Variants in SPATC1 observed in about 807,000 individuals in gnomAD.
SPATC1 encodes the protein speriolin.
SPATC1 carries 35 observed loss-of-function variants against 36.5 expected under a neutral mutation model. The ratio of observed to expected loss-of-function variants is 0.96; its 90% CI spans 0.73 to 1.27. The LOEUF (loss-of-function observed/expected upper bound fraction) is 1.27, where lower values mean the gene tolerates loss of function less well. SPATC1 is among the 50% of genes most tolerant of loss of function. SPATC1 has a pLI of 0.00. For missense variants in SPATC1, 779 were observed against 796.0 expected (o/e 0.98, Z 0.26); for synonymous variants, 361 against 353.6 (o/e 1.02, Z -0.24).
chr8:144,019,401 A>G (rs1834459151), intron 1 of SPATC1, among the ~76,000 whole-genome samples: 1 of 152,234 alleles, frequency 6.6e-6, no homozygotes, highest in African/African-American at 2.4e-5. Context: ...CCAAGACAGA[A>G]GGTACAACTG....
chr8:144,039,967 G>A lies in SPATC1; in HGVS notation c.270G>A (p.Gly90=), dbSNP rs868960211. The A allele has an allele frequency of 6.2e-7, 1 of 1,613,964 alleles. No individual in the cohort carries two copies. Among genetic ancestry groups the A allele is most frequent in the Non-Finnish European group, 8.5e-7 (1 of 1,179,984 alleles). Residue 90 remains glycine, a synonymous_variant, in exon 2 of 5, where the codon GGG becomes GGA. Transcript: ENST00000377470. ...ACGAACGAGTCCTCGAAGAAGTGGG[G>A]ATCATGGCCTTGGCACCCCTGGCCG... The part of the protein sequence containing the change: ...VANERVLEEV[G]IMALAPLAEM...
chr8:144,018,580 T>G (rs1834438589), intron 1 of SPATC1, among the ~76,000 whole-genome samples: 1 of 149,656 alleles, frequency 6.7e-6, no homozygotes, highest in East Asian at 2.0e-4. Context: ...AGGAAGAGAG[T>G]CTCTTCCACT....
At position 144,040,632 on chromosome 8, in the gene SPATC1, AGGAGCAC is replaced by A. The variant is rs1220090463; in HGVS notation, c.832_838del (p.Gly278ProfsTer136). ...CAGAGCCTCTCAGCATGGCGTTTGC[AGGAGCAC>A]CCCTCCAGACCTCCACCCCTATCGG... On this transcript the variant is annotated frameshift_variant, in exon 3 of 5. Transcript: ENST00000377470. LOFTEE classifies it high-confidence loss of function. 1.4e-5 allele frequency: 22 copies of A among 1,610,628 alleles called. No individual in the cohort carries two copies. Among genetic ancestry groups the A allele is most frequent in the Non-Finnish European group, 1.8e-5 (21 of 1,178,964 alleles).
chr8:144,047,070 C>A lies in SPATC1; in HGVS notation c.*114C>A. The A allele has an allele frequency of 7.5e-7, 1 of 1,332,808 alleles. No individual in the cohort carries two copies. Among genetic ancestry groups the A allele is most frequent in the Non-Finnish European group, 1.0e-6 (1 of 990,034 alleles). The allele number at this position is 1,332,808 out of a possible 1,614,324, so 82.6% of individuals were successfully genotyped here. ...GTGCCAGCGCTCCTGGGTGGTGCTG[C>A]CTCCTCTGGGGTGGCTCACCGGGCC... On this transcript the variant is annotated 3_prime_UTR_variant, in exon 5 of 5. Coordinates refer to ENST00000377470, the MANE Select transcript of SPATC1 (RefSeq NM_198572.3). The surrounding 1 kb of genome is among the most constrained non-coding windows in gnomAD (Gnocchi z 4.1).
intron 4 of SPATC1, among the ~76,000 whole-genome samples, chr8:144,044,050 G>A (rs1835188942): frequency 6.6e-6 from 1 of 152,146 alleles, no homozygotes; most frequent in Non-Finnish European, 1.5e-5. Context: ...CTGGTCCACA[G>A]CCACCTTCCC....
rs781908753 is a variant in SPATC1, at chr8:144,046,734, GC to G, written c.1555del (p.Arg519GlyfsTer6). 9 of 1,612,430 alleles carry G rather than the reference GC, an allele frequency of 5.6e-6. No homozygotes were observed. Among genetic ancestry groups the G allele is most frequent in the African/African-American group, 1.3e-5 (1 of 75,052 alleles). On this transcript the variant is annotated frameshift_variant, in exon 5 of 5. Coordinates refer to ENST00000377470, the MANE Select transcript of SPATC1 (RefSeq NM_198572.3). LOFTEE classifies it high-confidence loss of function. This position sits in a 1 kb window ranked among gnomAD's most constrained non-coding sequence, Gnocchi z 6.6. ...NRLQSLGYNG[R>X]VHPALTEQLV... ...GGCTGCAGAGTCTGGGCTACAACGG[GC>G]GGGTGCACCCTGCGCTGACCGAGCA...
chr8:144,043,054 ACAAT>A (rs1168157474), intron 4 of SPATC1, among the ~76,000 whole-genome samples: 1 of 145,188 alleles, frequency 6.9e-6, no homozygotes, highest in Non-Finnish European at 1.5e-5. Flanking sequence ...GTGCAGTGGT[ACAAT>A]CTCAGCTCAC....
At chr8:144,042,977 A>AACTGGG (rs1835156668) in intron 4 of SPATC1, among the ~76,000 whole-genome samples, 1 of 149,240 alleles carries the variant, frequency 6.7e-6, no homozygotes, top group African/African-American at 2.5e-5. Flanking sequence ...GGCATGCACC[A>AACTGGG]ACACACCTGG....
intron 1 of SPATC1, among the ~76,000 whole-genome samples, chr8:144,013,187 G>A (rs1015787906): frequency 6.6e-6 from 1 of 152,112 alleles, no homozygotes; most frequent in Non-Finnish European, 1.5e-5. Flanking sequence ...ACCTCTGCAT[G>A]GCATCTGAGA....
intron 1 of SPATC1, among the ~76,000 whole-genome samples, chr8:144,013,163 C>T (rs1253326349): frequency 6.6e-6 from 1 of 152,122 alleles, no homozygotes; most frequent in South Asian, 2.1e-4. Context: ...TTCCTAGGTG[C>T]TGCATCCTTC....
intron 4 of SPATC1, among the ~76,000 whole-genome samples, chr8:144,043,097 A>G (rs1587534589): frequency 6.6e-6 from 1 of 151,106 alleles, no homozygotes; most frequent in African/African-American, 2.4e-5. Context: ...GGTTCAAGCA[A>G]TTCTCCTGCC....
chr8:144,013,261 T>C (rs1251050675), intron 1 of SPATC1, among the ~76,000 whole-genome samples: 1 of 151,964 alleles, frequency 6.6e-6, no homozygotes, highest in Non-Finnish European at 1.5e-5. Flanking sequence ...TCCCTCTGGC[T>C]CATCTTAATT....
At chr8:144,025,430 G>A (rs1834657616) in intron 1 of SPATC1, among the ~76,000 whole-genome samples, 1 of 152,212 alleles carries the variant, frequency 6.6e-6, no homozygotes, top group South Asian at 2.1e-4. Context: ...TATAAACGCA[G>A]TGAATCTGAA....
At chr8:144,043,560 G>T (rs781887943) in intron 4 of SPATC1, among the ~76,000 whole-genome samples, 1 of 151,924 alleles carries the variant, frequency 6.6e-6, no homozygotes, top group Non-Finnish European at 1.5e-5. Context: ...ATTTTTTATA[G>T]AGATGAACTC....
chr8:144,043,706 T>A (rs1216532781), intron 4 of SPATC1, among the ~76,000 whole-genome samples: 1 of 150,720 alleles, frequency 6.6e-6, no homozygotes, highest in African/African-American at 2.4e-5. Flanking sequence ...TTTTTTTTTT[T>A]ACATAAGTGA....
chr8:144,031,033 A>G (rs976909674), intron 1 of SPATC1, among the ~76,000 whole-genome samples: 1 of 152,226 alleles, frequency 6.6e-6, no homozygotes, highest in African/African-American at 2.4e-5. Context: ...CTTTTAAGTC[A>G]TATAGGAAAA....
intron 1 of SPATC1, among the ~76,000 whole-genome samples, chr8:144,030,707 C>A (rs1587506958): frequency 1.3e-5 from 2 of 152,056 alleles, no homozygotes; most frequent in East Asian, 3.9e-4. Flanking sequence ...CTCAGTGTAT[C>A]TTTTATTGTC....
chr8:144,016,103 G>T lies in SPATC1; in HGVS notation c.211+3377G>T, dbSNP rs182975819. Among the ~76,000 whole-genome samples, 734 of 146,482 alleles carry T rather than the reference G, an allele frequency of 5.0e-3. 6 individuals carry two copies. The highest frequency in any genetic ancestry group is 9.6e-3 in the Admixed American group (142 of 14,752). Reference sequence around the variant, plus strand: ...AGAAAAAAGAAAGAAAGAAAGAAAAGAAATTAGCTGGGCATGGTGGCAGGT... The same window carrying T: ...AGAAAAAAGAAAGAAAGAAAGAAAATAAATTAGCTGGGCATGGTGGCAGGT... On this transcript the variant is annotated intron_variant, in intron 1 of 4. Transcript: ENST00000377470. The surrounding 1 kb of genome is among the most constrained non-coding windows in gnomAD (Gnocchi z 4.5).
chr8:144,046,249 G>T lies in SPATC1; in HGVS notation c.1447-378G>T, dbSNP rs1835257835. Among the ~76,000 whole-genome samples the T allele has an allele frequency of 6.6e-6, 1 of 152,148 alleles. No individual in the cohort carries two copies. The highest frequency in any genetic ancestry group is 1.5e-5 in the Non-Finnish European group (1 of 67,994). ...GGAAAGACCCCAGACTCCTGGGTCA[G>T]GGGACCCTGTGCACCTCCAGATGCC... On this transcript the variant is annotated intron_variant, in intron 4 of 4. Transcript: ENST00000377470. This position sits in a 1 kb window ranked among gnomAD's most constrained non-coding sequence, Gnocchi z 6.6.
Sources: allele counts gnomAD v4.1 joint callset (sites outside exome capture counted in the v4.1 genomes callset), GRCh38; gene constraint gnomAD v4.1.1; non-coding constraint Gnocchi (gnomAD v3.1); transcripts MANE v1.5; gene names NCBI Gene and HGNC (gene_info 2026-07-23, HGNC 2026-07-21).